SH3TC2: variants seen among roughly 807,000 people sequenced by gnomAD.
SH3TC2 encodes the protein SH3 domain and tetratricopeptide repeats 2, also known as SH3 domain and tetratricopeptide repeat-containing protein 2.
In SH3TC2, 87 loss-of-function variants were observed where a neutral mutation model predicts 124.5. The ratio of observed to expected loss-of-function variants is 0.70; its 90% confidence interval spans 0.59 to 0.84. The LOEUF (loss-of-function observed/expected upper bound fraction) is 0.84, where lower values mean the gene tolerates loss of function less well. Among genes scored for constraint, SH3TC2 ranks in the 40% least tolerant of loss-of-function variants. The probability of loss-of-function intolerance (pLI) is 0.00; values close to 1 mark genes in which losing one functional copy is unlikely to be tolerated. For missense variants in SH3TC2, 1,536 were observed against 1,566.4 expected, an observed-to-expected ratio of 0.98 and a Z score of 0.33; for synonymous variants, 634 against 628.5, an observed-to-expected ratio of 1.01 and a Z score of -0.13.
In SH3TC2 at chr5:148,983,388, G is replaced by A. The variant is rs980755855; in HGVS notation, c.*21323C>T. 1.3e-5 allele frequency among the ~76,000 whole-genome samples: 2 copies of A among 152,198 alleles called. No individual in the cohort carries two copies. The highest frequency in any genetic ancestry group is 1.3e-4 in the Admixed American group (2 of 15,290). On this transcript the variant is annotated 3_prime_UTR_variant, in exon 17 of 17. Coordinates refer to ENST00000515425, the MANE Select transcript of SH3TC2 (RefSeq NM_024577.4). ...GGAACAGACCAGGTTCTGAGTGGAT[G>A]AAAATAGCTCAAAAGGAGATAGCAA... is the stretch of plus-strand genomic sequence containing the variant.
rs774401267 is a variant in SH3TC2, at chr5:149,010,296, TG to T, written c.3300del (p.His1100GlnfsTer16). 5 of 1,614,116 alleles carry T rather than the reference TG, an allele frequency of 3.1e-6. No individual in the cohort carries two copies. In the African/African-American group the frequency reaches 6.7e-5, roughly 22 times the overall value. ...CGGTAGTACTCCACTGCATGATGCC[TG>T]TGGCGGGTCCCATTGAAGAACACAT... ...AGDVFFNGTR[H>X]RHHAVEYYRA... On this transcript the variant is annotated frameshift_variant, in exon 14 of 17. Coordinates refer to ENST00000515425, the MANE Select transcript of SH3TC2 (RefSeq NM_024577.4). LOFTEE classifies it high-confidence loss of function.
rs1561765238 is a variant in SH3TC2, at chr5:149,028,085, C to T, written c.1647G>A (p.Val549=). 3.1e-6 allele frequency: 5 copies of T among 1,614,084 alleles called. No individual in the cohort carries two copies. The highest frequency in any genetic ancestry group is 4.2e-6 in the Non-Finnish European group (5 of 1,180,042). ...GAATGTGGATGGCCTCCTCGAAGTA[C>T]ACCCTGGCCTGAGAGAGTTTGACCT... ...IRKVKLSQAR[V]YFEEAIHILN... The change falls in exon 11 of 17, where the codon GTG becomes GTA. Residue 549 remains valine, a synonymous_variant. Coordinates refer to ENST00000515425, the MANE Select transcript of SH3TC2 (RefSeq NM_024577.4).
At chr5:149,056,043 C>T (rs1754641691) in intron 1 of SH3TC2, among the ~76,000 whole-genome samples, 2 of 152,142 alleles carry the variant, frequency 1.3e-5, no homozygotes, top group African/African-American at 2.4e-5. Flanking sequence ...ATTTCATGCA[C>T]AATTCTATAT....
At chr5:149,007,625 A>G (rs980180685) in intron 15 of SH3TC2, 26 of 199,410 alleles carry the variant, frequency 1.3e-4, no homozygotes, top group Non-Finnish European at 3.1e-5. Context: ...TGTCAGTCTC[A>G]GATAAGCTAC....
chr5:149,039,449 C>T (rs1754333620), intron 7 of SH3TC2, among the ~76,000 whole-genome samples: 2 of 152,188 alleles, frequency 1.3e-5, no homozygotes, highest in Admixed American at 1.3e-4. Context: ...TTATGTGCCT[C>T]AGTTTCCATA....
chr5:149,006,393 C>A, intron 16 of SH3TC2: 3 of 188,918 alleles, frequency 1.6e-5, no homozygotes, highest in Non-Finnish European at 2.2e-5. Context: ...TGTTAATATG[C>A]ACCCACATTT....
chr5:148,985,157 A>T lies in SH3TC2; in HGVS notation c.*19554T>A, dbSNP rs1214461499. Among the ~76,000 whole-genome samples the T allele has an allele frequency of 3.3e-5, 5 of 151,708 alleles. No individual in the cohort carries two copies. Among genetic ancestry groups the T allele is most frequent in the Admixed American group, 6.6e-5 (1 of 15,220 alleles). Reference sequence around the variant, plus strand: ...GAGCTACTTTTCTGGAAAAAAAAAAAACTATTCACTCAAAGCACTTAAAAT... The same window carrying T: ...GAGCTACTTTTCTGGAAAAAAAAAATACTATTCACTCAAAGCACTTAAAAT... On this transcript the variant is annotated 3_prime_UTR_variant, in exon 17 of 17. Transcript: ENST00000515425.
chr5:149,026,435 G>T, intron 12 of SH3TC2, 137 bp downstream of exon 12: 1 of 985,606 alleles, frequency 1.0e-6, no homozygotes. Context: ...GCATTGTGGT[G>T]GCTGCAGAGC....
At chr5:149,018,421 T>G (rs1753910974) in intron 12 of SH3TC2, among the ~76,000 whole-genome samples, 1 of 152,164 alleles carries the variant, frequency 6.6e-6, no homozygotes, top group African/African-American at 2.4e-5. Flanking sequence ...AGAGGTTTAA[T>G]GGACTCACAG....
chr5:149,036,668 T>C (rs1233383191), intron 8 of SH3TC2, among the ~76,000 whole-genome samples: 2 of 152,184 alleles, frequency 1.3e-5, no homozygotes, highest in Non-Finnish European at 2.9e-5. Context: ...TGGGGTCCTC[T>C]GTTCCCCCTG....
Position 148,991,996 on chromosome 5 carries a change from T to C in SH3TC2, c.*12715A>G, listed in dbSNP as rs1753427016. On this transcript the variant is annotated 3_prime_UTR_variant, in exon 17 of 17. Coordinates refer to ENST00000515425, the MANE Select transcript of SH3TC2 (RefSeq NM_024577.4). ...ACCATGGGTAAGGCTTTCCCTTTTC[T>C]GGTTCACTTTTCATATAATAACAAC... Among the ~76,000 whole-genome samples the C allele has an allele frequency of 6.6e-6, 1 of 152,234 alleles. No individual in the cohort carries two copies. Among genetic ancestry groups the C allele is most frequent in the Admixed American group, 6.5e-5 (1 of 15,286 alleles).
rs747373965 is a variant in SH3TC2, at chr5:148,992,870, G to T, written c.*11841C>A. Among the ~76,000 whole-genome samples the T allele has an allele frequency of 1.2e-4, 19 of 152,110 alleles. No homozygotes were observed. Among genetic ancestry groups the T allele is most frequent in the Non-Finnish European group, 2.4e-4 (16 of 68,032 alleles). Reference sequence around the variant, plus strand: ...CTGGGTATAACATGCACAGCTCATAGGGTTTGGGTATGGCTTGGAAAATCA... The same window carrying T: ...CTGGGTATAACATGCACAGCTCATATGGTTTGGGTATGGCTTGGAAAATCA... On this transcript the variant is annotated 3_prime_UTR_variant, in exon 17 of 17. Coordinates refer to ENST00000515425, the MANE Select transcript of SH3TC2 (RefSeq NM_024577.4).
rs1037710571 is a variant in SH3TC2, at chr5:148,991,357, T to C, written c.*13354A>G. Among the ~76,000 whole-genome samples, 5 of 152,164 alleles carry C rather than the reference T, an allele frequency of 3.3e-5. No individual in the cohort carries two copies. Among genetic ancestry groups the C allele is most frequent in the African/African-American group, 1.2e-4 (5 of 41,438 alleles). On this transcript the variant is annotated 3_prime_UTR_variant, in exon 17 of 17. Transcript: ENST00000515425. ...CTGTGCTCTGAAGAAGAGGGTCAAT[T>C]TCTTTGTGGGGAGTAGCAACACAAA...
chr5:149,049,353 C>A (rs1754518669), intron 2 of SH3TC2, among the ~76,000 whole-genome samples: 1 of 152,228 alleles, frequency 6.6e-6, no homozygotes, highest in Non-Finnish European at 1.5e-5. Context: ...CAGTCTCCAG[C>A]TCAAGACTTG....
chr5:149,042,182 G>A (rs1754383038), intron 5 of SH3TC2, among the ~76,000 whole-genome samples: 1 of 152,220 alleles, frequency 6.6e-6, no homozygotes, highest in Non-Finnish European at 1.5e-5. Flanking sequence ...TTAATTGGTA[G>A]ATGATAACCT....
intron 4 of SH3TC2, chr5:149,043,648 T>C (rs1013286529): frequency 6.6e-6 from 1 of 150,724 alleles, no homozygotes; most frequent in African/African-American, 2.4e-5. Context: ...GCTTCTCCTT[T>C]TTTTTTTTTT....
chr5:149,058,537 T>C (rs76093675), intron 1 of SH3TC2, among the ~76,000 whole-genome samples: 11,228 of 152,220 alleles, frequency 0.074, 477 homozygotes, highest in African/African-American at 0.11. Context: ...TATTGGGTTA[T>C]TTATCTTATC....
intron 12 of SH3TC2, among the ~76,000 whole-genome samples, chr5:149,015,097 G>C (rs1753849304): frequency 6.6e-6 from 1 of 152,172 alleles, no homozygotes; most frequent in Admixed American, 6.5e-5. Context: ...TATGACTGTG[G>C]AAGAGAGGAG....
chr5:149,025,770 T>G (rs773914530), intron 12 of SH3TC2: 5 of 152,208 alleles, frequency 3.3e-5, no homozygotes, highest in Non-Finnish European at 7.3e-5. Context: ...AAAGGAGGTA[T>G]TTGGGTTAAA....
Sources: allele counts gnomAD v4.1 joint callset (sites outside exome capture counted in the v4.1 genomes callset), GRCh38; gene constraint gnomAD v4.1.1; transcripts MANE v1.5; gene names NCBI Gene and HGNC (gene_info 2026-07-23, HGNC 2026-07-21).